Variants in ARMH1 observed in about 807,000 individuals in gnomAD.
ARMH1 encodes armadillo like helical domain containing 1.
Under a neutral mutation model 50.2 loss-of-function variants are expected in ARMH1, and 34 were observed. That is an observed-to-expected ratio of 0.68 (90% CI 0.51 to 0.90). ARMH1 has a LOEUF of 0.90. Ranked by LOEUF, ARMH1 falls within the 40% of genes least tolerant of loss-of-function variation. The pLI is 0.00. For synonymous variants in ARMH1, 221 were observed against 224.2 expected (o/e 0.99, Z 0.13); for missense variants, 538 against 553.9 (o/e 0.97, Z 0.29).
chr1:44,725,134 A>C lies in ARMH1; in HGVS notation c.1129-2A>C. ...CCGGGTCCCCCTTGCTCCTGTCCTC[A>C]GAGCAACGCTGAGGACTTGTACATG... On this transcript the variant is annotated splice_acceptor_variant, in intron 10 of 11. Coordinates refer to ENST00000535358, the MANE Select transcript of ARMH1 (RefSeq NM_001145636.2). LOFTEE classifies it high-confidence loss of function. 1 of 1,551,866 alleles carries C rather than the reference A, an allele frequency of 6.4e-7. No homozygotes were observed. The highest frequency in any genetic ancestry group is 8.7e-7 in the Non-Finnish European group (1 of 1,147,000).
chr1:44,721,632 G>A lies in ARMH1; in HGVS notation c.725-2490G>A, dbSNP rs371755244. On this transcript the variant is annotated intron_variant, in intron 6 of 11. Coordinates refer to ENST00000535358, the MANE Select transcript of ARMH1 (RefSeq NM_001145636.2). ...AAATTAGACAGGCTTATGAGGCTGA[G>A]GTGGGAGGATTGCTTGAGCATGGGA... 1.7e-3 allele frequency among the ~76,000 whole-genome samples: 263 copies of A among 152,262 alleles called. 5 individuals are homozygous for A. Among genetic ancestry groups the A allele is most frequent in the African/African-American group, 5.9e-3 (247 of 41,558 alleles).
At chr1:44,713,036 A>G (rs957023265) in intron 6 of ARMH1, among the ~76,000 whole-genome samples, 1 of 150,094 alleles carries the variant, frequency 6.7e-6, no homozygotes, top group Non-Finnish European at 1.5e-5. Context: ...TTTTTTTTTA[A>G]GACGGAGTCT....
intron 6 of ARMH1, among the ~76,000 whole-genome samples, chr1:44,714,003 C>G (rs976008446): frequency 6.6e-6 from 1 of 152,142 alleles, no homozygotes; most frequent in Non-Finnish European, 1.5e-5. Context: ...GGGGGCCTGA[C>G]GCAGTGGCTC....
At chr1:44,707,196 C>G (rs891524616) in intron 6 of ARMH1, among the ~76,000 whole-genome samples, 2 of 151,970 alleles carry the variant, frequency 1.3e-5, no homozygotes, top group African/African-American at 4.8e-5. Context: ...GGCTTTTATC[C>G]TTATATCCTC....
Position 44,681,487 on chromosome 1 carries a change from C to T in ARMH1, c.-23+6614C>T, listed in dbSNP as rs1003268432. Reference sequence around the variant, plus strand: ...TGAGCCCCTATCTCGAATAAATACACTGATAAATAAATAATAATAAAGATA... The same window carrying T: ...TGAGCCCCTATCTCGAATAAATACATTGATAAATAAATAATAATAAAGATA... On this transcript the variant is annotated intron_variant, in intron 1 of 11. Coordinates refer to ENST00000535358, the MANE Select transcript of ARMH1 (RefSeq NM_001145636.2). This position sits in a 1 kb window ranked among gnomAD's most constrained non-coding sequence, Gnocchi z 4.3. 2.0e-5 allele frequency among the ~76,000 whole-genome samples: 3 copies of T among 151,838 alleles called. No homozygotes were observed. The highest frequency in any genetic ancestry group is 7.3e-5 in the African/African-American group (3 of 41,326).
At chr1:44,697,231 T>G in intron 3 of ARMH1, 61 bp downstream of exon 3, 1 of 1,356,056 alleles carries the variant, frequency 7.4e-7, no homozygotes, top group Non-Finnish European at 1.0e-6. Context: ...CATGATGTCT[T>G]TGGCATTCAC....
At position 44,683,722 on chromosome 1, in the gene ARMH1, A is replaced by G. The variant is rs1399302728; in HGVS notation, c.-22-5954A>G. Reference sequence around the variant, plus strand: ...GGAAAAACCTGGACTTTGGAGTTATATGCAGATCTAAGTTCAAATCCCATT... The same window carrying G: ...GGAAAAACCTGGACTTTGGAGTTATGTGCAGATCTAAGTTCAAATCCCATT... On this transcript the variant is annotated intron_variant, in intron 1 of 11. Coordinates refer to ENST00000535358, the MANE Select transcript of ARMH1 (RefSeq NM_001145636.2). The surrounding 1 kb of genome is among the most constrained non-coding windows in gnomAD (Gnocchi z 4.2). Among the ~76,000 whole-genome samples, 1 of 152,228 alleles carries G rather than the reference A, an allele frequency of 6.6e-6. No homozygotes were observed. Among genetic ancestry groups the G allele is most frequent in the Admixed American group, 6.5e-5 (1 of 15,282 alleles).
intron 6 of ARMH1, among the ~76,000 whole-genome samples, chr1:44,722,343 CAGG>C (rs1647401677): frequency 6.6e-6 from 1 of 151,934 alleles, no homozygotes; most frequent in Non-Finnish European, 1.5e-5. Flanking sequence ...CGCTTGAGCC[CAGG>C]AGTTCAAGAC....
intron 2 of ARMH1, 24 bp downstream of exon 2, chr1:44,689,927 A>T: frequency 6.5e-7 from 1 of 1,546,900 alleles, no homozygotes. Context: ...AACAGAAAAA[A>T]AAAAATTAGG....
At chr1:44,700,129 G>A (rs896039452) in intron 4 of ARMH1, among the ~76,000 whole-genome samples, 2 of 151,744 alleles carry the variant, frequency 1.3e-5, no homozygotes, top group African/African-American at 2.4e-5. Flanking sequence ...AACGCCTGAC[G>A]AACATCTCCC....
rs1003103360 is a variant in ARMH1, at chr1:44,724,960, G to T, written c.1128+121G>T. 6.7e-7 allele frequency: 1 copy of T among 1,497,994 alleles called. No individual in the cohort carries two copies. The highest frequency in any genetic ancestry group is 8.9e-7 in the Non-Finnish European group (1 of 1,121,192). The allele number at this position is 1,497,994 out of a possible 1,614,324, so 92.8% of individuals were successfully genotyped here. A position where few individuals can be genotyped will look rare whatever the true frequency, so the allele number is the denominator to read the frequency against. On this transcript the variant is annotated intron_variant, in intron 10 of 11. Coordinates refer to ENST00000535358, the MANE Select transcript of ARMH1 (RefSeq NM_001145636.2). The surrounding 1 kb of genome is among the most constrained non-coding windows in gnomAD (Gnocchi z 6.4). ...TGCAGAGTGGACCTGGCCACCAGCT[G>T]CAGGAGGGACTGCTCTGGCGTAGGC...
chr1:44,725,270 G>A (rs1017505006), intron 11 of ARMH1, 21 bp from the exon 12 acceptor site: 1 of 1,551,650 alleles, frequency 6.4e-7, no homozygotes, highest in Admixed American at 2.0e-5. Context: ...ACAGCCTCAC[G>A]CCCGCCTTTC....
Position 44,683,249 on chromosome 1 carries a change from G to A in ARMH1, c.-22-6427G>A, listed in dbSNP as rs1422822103. On this transcript the variant is annotated intron_variant, in intron 1 of 11. Coordinates refer to ENST00000535358, the MANE Select transcript of ARMH1 (RefSeq NM_001145636.2). This position sits in a 1 kb window ranked among gnomAD's most constrained non-coding sequence, Gnocchi z 4.2. ...AACACAGGGCAAGGGGCAGGTGTGA[G>A]TTGATGAGTTCAGTTTGGGACCTGT... Among the ~76,000 whole-genome samples, 2 of 152,242 alleles carry A rather than the reference G, an allele frequency of 1.3e-5. No homozygotes were observed. The highest frequency in any genetic ancestry group is 2.9e-5 in the Non-Finnish European group (2 of 68,046).
rs1195117811 is a variant in ARMH1, at chr1:44,725,414, G to A, written c.*11G>A. ...GAATCAAAGGAGTAACAGCCCCTGT[G>A]GCAAACCAGGAAGGCCAAGGCTGCG... On this transcript the variant is annotated 3_prime_UTR_variant, in exon 12 of 12. Transcript: ENST00000535358. 26 of 1,551,498 alleles carry A rather than the reference G, an allele frequency of 1.7e-5. No individual in the cohort carries two copies. The highest frequency in any genetic ancestry group is 2.3e-5 in the Non-Finnish European group (26 of 1,146,866).
At chr1:44,714,887 T>A (rs1573460491) in intron 6 of ARMH1, among the ~76,000 whole-genome samples, 2 of 152,198 alleles carry the variant, frequency 1.3e-5, no homozygotes, top group African/African-American at 4.8e-5. Flanking sequence ...CCGGCCTTTT[T>A]TCTTTTTTTG....
Position 44,682,591 on chromosome 1 carries a change from A to G in ARMH1, c.-22-7085A>G, listed in dbSNP as rs761119058. 2.6e-5 allele frequency among the ~76,000 whole-genome samples: 4 copies of G among 152,258 alleles called. No individual in the cohort carries two copies. Among genetic ancestry groups the G allele is most frequent in the Admixed American group, 6.5e-5 (1 of 15,294 alleles). ...CTCAGGTAGTAAGGAACCACTGAAGAGTTTGAAGCAGTGAAATCTGTCAGA... is the reference window on the plus strand; with the variant it reads ...CTCAGGTAGTAAGGAACCACTGAAGGGTTTGAAGCAGTGAAATCTGTCAGA... On this transcript the variant is annotated intron_variant, in intron 1 of 11. Transcript: ENST00000535358. The surrounding 1 kb of genome is among the most constrained non-coding windows in gnomAD (Gnocchi z 4.5).
intron 3 of ARMH1, 71 bp downstream of exon 3, chr1:44,697,241 C>A: frequency 1.6e-6 from 2 of 1,232,620 alleles, no homozygotes; most frequent in Non-Finnish European, 2.3e-6. Flanking sequence ...TTGGCATTCA[C>A]ACCACCCAGG....
chr1:44,678,800 G>C (rs1384222054), intron 1 of ARMH1, among the ~76,000 whole-genome samples: 1 of 152,036 alleles, frequency 6.6e-6, no homozygotes, highest in South Asian at 2.1e-4. Context: ...TTGCCGGGGG[G>C]GTGGGGAAGC....
Position 44,724,306 on chromosome 1 carries a change from T to C in ARMH1, c.848-14T>C. 1 of 1,551,036 alleles carries C rather than the reference T, an allele frequency of 6.4e-7. No homozygotes were observed. Among genetic ancestry groups the C allele is most frequent in the Non-Finnish European group, 8.7e-7 (1 of 1,146,544 alleles). On this transcript the variant is annotated splice_polypyrimidine_tract_variant and intron_variant, in intron 7 of 11. Coordinates refer to ENST00000535358, the MANE Select transcript of ARMH1 (RefSeq NM_001145636.2). The surrounding 1 kb of genome is among the most constrained non-coding windows in gnomAD (Gnocchi z 6.4). ...GGAGGGCGGTCTCTTGCCTCACGGCTGCCCCCTCCTCAGACCCCTCGGTTC... is the reference window on the plus strand; with the variant it reads ...GGAGGGCGGTCTCTTGCCTCACGGCCGCCCCCTCCTCAGACCCCTCGGTTC...
Sources: gnomAD v4.1 joint callset for allele counts (sites outside exome capture counted in the v4.1 genomes callset) on GRCh38, gnomAD v4.1.1 for gene constraint, Gnocchi (gnomAD v3.1) non-coding constraint, MANE v1.5 for transcripts, NCBI Gene and HGNC (gene_info 2026-07-23, HGNC 2026-07-21) for gene names.